EIF2AK2: variants seen among roughly 807,000 people sequenced by gnomAD.
EIF2AK2 encodes the protein interferon-induced, double-stranded RNA-activated protein kinase.
EIF2AK2 carries 40 observed loss-of-function variants against 70.5 expected under a neutral mutation model. The observed-to-expected ratio is 0.57, with a 90% CI of 0.44 to 0.74. The LOEUF (loss-of-function observed/expected upper bound fraction) is 0.74. Among genes scored for constraint, EIF2AK2 ranks in the 30% least tolerant of loss-of-function variants. The pLI, the probability that EIF2AK2 is intolerant of heterozygous loss-of-function variation, is 0.00. For missense variants in EIF2AK2, 555 were observed against 644.3 expected (o/e 0.86, Z 1.50); for synonymous variants, 198 against 220.9 (o/e 0.90, Z 0.92).
chr2:37,148,729 T>C, intron 2 of EIF2AK2, 128 bp downstream of exon 2: 2 of 836,450 alleles, frequency 2.4e-6, no homozygotes, highest in Non-Finnish European at 4.2e-6. Flanking sequence ...TTGACAGATT[T>C]GAGGATTTAC....
chr2:37,148,274 C>G lies in EIF2AK2; in HGVS notation c.-16-452G>C, dbSNP rs143272921. 7.9e-5 allele frequency among the ~76,000 whole-genome samples: 12 copies of G among 152,176 alleles called. No individual in the cohort carries two copies. In the East Asian group the frequency reaches 1.9e-3, roughly 24 times the overall value. ...GAGTATCAACTACATGTTTGCCTAC[C>G]TGCTTAAAAAAGTAAAAAGGCTGCA... On this transcript the variant is annotated intron_variant, in intron 2 of 16. Coordinates refer to ENST00000233057, the MANE Select transcript of EIF2AK2 (RefSeq NM_001135651.3).
rs1342465920 is a variant in EIF2AK2, at chr2:37,103,720, C to CAATGGCT, written c.*3546_*3552dup. ...CTGTCATCTAGATTTACCAATTGTA[C>CAATGGCT]AATGGCTAATATTTTGCCACATGTG... On this transcript the variant is annotated 3_prime_UTR_variant, in exon 17 of 17. Coordinates refer to ENST00000233057, the MANE Select transcript of EIF2AK2 (RefSeq NM_001135651.3). The CAATGGCT allele has an allele frequency of 1.3e-5, 2 of 152,212 alleles. No homozygotes were observed. The highest frequency in any genetic ancestry group is 6.5e-5 in the Admixed American group (1 of 15,278). 9.4% of individuals were successfully genotyped at this position (152,212 alleles called of 1,614,324 possible). A position where few individuals can be genotyped will look rare whatever the true frequency, so the allele number is the denominator to read the frequency against.
intron 1 of EIF2AK2, among the ~76,000 whole-genome samples, chr2:37,151,665 G>A (rs1675745397): frequency 6.6e-6 from 1 of 152,172 alleles, no homozygotes; most frequent in African/African-American, 2.4e-5. Flanking sequence ...GTTAACAATA[G>A]CCAAAAGGTG....
rs545923390 is a variant in EIF2AK2 at position 37,122,890 on chromosome 2, G to A, written c.909-226C>T. 2.4e-4 allele frequency among the ~76,000 whole-genome samples: 37 copies of A among 152,250 alleles called. No individual in the cohort carries two copies. The South Asian group carries it at 2.9e-3, about 12-fold the overall frequency. On this transcript the variant is annotated intron_variant, in intron 11 of 16. Coordinates refer to ENST00000233057, the MANE Select transcript of EIF2AK2 (RefSeq NM_001135651.3). ...CAAGATAAAATAAAAGGCAGTGGCCGGGCGCGGTGGCTCAGGCCTGTAATC... is the reference window on the plus strand; with the variant it reads ...CAAGATAAAATAAAAGGCAGTGGCCAGGCGCGGTGGCTCAGGCCTGTAATC...
At position 37,112,446 on chromosome 2, in the gene EIF2AK2, C is replaced by T. The variant is rs1402445818; in HGVS notation, c.1377+2285G>A. 2.0e-5 allele frequency among the ~76,000 whole-genome samples: 3 copies of T among 152,254 alleles called. No homozygotes were observed. In the South Asian group the frequency reaches 6.2e-4, roughly 32 times the overall value. ...TATATGAAGATATCAATGTTCCTCA[C>T]CTGAATCCTCAAATTTGATGCAATT... On this transcript the variant is annotated intron_variant, in intron 14 of 16. Coordinates refer to ENST00000233057, the MANE Select transcript of EIF2AK2 (RefSeq NM_001135651.3).
At chr2:37,128,915 G>T (rs564348478) in intron 10 of EIF2AK2, among the ~76,000 whole-genome samples, 1 of 152,278 alleles carries the variant, frequency 6.6e-6, no homozygotes, top group East Asian at 1.9e-4. Flanking sequence ...AAAGCTCAGA[G>T]AAATTACACA....
rs556365299 is a variant in EIF2AK2 at position 37,128,749 on chromosome 2, C to T, written c.786-2338G>A. 3.9e-5 allele frequency among the ~76,000 whole-genome samples: 6 copies of T among 152,226 alleles called. No individual in the cohort carries two copies. The South Asian group carries it at 1.2e-3, about 32-fold the overall frequency. The stretch of plus-strand genomic sequence containing the variant: ...GATTATAATAACTCCATAATAAAGC[C>T]CCTATACAAAATCCAGTGGCCAATG... On this transcript the variant is annotated intron_variant, in intron 10 of 16. Coordinates refer to ENST00000233057, the MANE Select transcript of EIF2AK2 (RefSeq NM_001135651.3).
intron 10 of EIF2AK2, among the ~76,000 whole-genome samples, chr2:37,129,232 T>TA (rs1224127480): frequency 6.6e-6 from 1 of 152,220 alleles, no homozygotes; most frequent in East Asian, 1.9e-4. Context: ...AAAAGTCAGT[T>TA]ATACGAAAGC....
chr2:37,119,803 A>G (rs4648218), intron 13 of EIF2AK2, among the ~76,000 whole-genome samples, 156 bp downstream of exon 13: 5,817 of 151,632 alleles, frequency 0.038, 153 homozygotes, highest in Non-Finnish European at 0.055. Flanking sequence ...TGTTGGCCAG[A>G]CTGGTTTCGA....
At position 37,104,750 on chromosome 2, in the gene EIF2AK2, T is replaced by G. The variant is rs1673913657; in HGVS notation, c.*2523A>C. The G allele has an allele frequency of 6.6e-6, 1 of 152,136 alleles. No homozygotes were observed. The highest frequency in any genetic ancestry group is 2.4e-5 in the African/African-American group (1 of 41,410). The allele number at this position is 152,136 out of a possible 1,614,324, so 9.4% of individuals were successfully genotyped here. A position where few individuals can be genotyped will look rare whatever the true frequency, so the allele number is the denominator to read the frequency against. ...TTTTGAGAAGCCCAAGTCAATCATCTTATAGAATGACTACATTCAGGATTT... is the reference window on the plus strand; with the variant it reads ...TTTTGAGAAGCCCAAGTCAATCATCGTATAGAATGACTACATTCAGGATTT... On this transcript the variant is annotated 3_prime_UTR_variant, in exon 17 of 17. Coordinates refer to ENST00000233057, the MANE Select transcript of EIF2AK2 (RefSeq NM_001135651.3).
chr2:37,123,029 A>G (rs1674609464), intron 11 of EIF2AK2, among the ~76,000 whole-genome samples: 1 of 151,834 alleles, frequency 6.6e-6, no homozygotes, highest in Non-Finnish European at 1.5e-5. Flanking sequence ...TTAGCTGGGC[A>G]CAGTGGCGCA....
At chr2:37,142,578 T>G (rs2148706409) in intron 4 of EIF2AK2, among the ~76,000 whole-genome samples, 1 of 152,266 alleles carries the variant, frequency 6.6e-6, no homozygotes, top group Non-Finnish European at 1.5e-5. Flanking sequence ...TTCTGTTTTT[T>G]GTTTTTTCTA....
chr2:37,139,215 T>C (rs1357962910), intron 6 of EIF2AK2, among the ~76,000 whole-genome samples: 2 of 150,262 alleles, frequency 1.3e-5, no homozygotes, highest in Non-Finnish European at 2.9e-5. Context: ...CTCAGTAGGC[T>C]GAGGCAGGAG....
chr2:37,122,373 A>G, intron 12 of EIF2AK2, 133 bp downstream of exon 12: 1 of 992,326 alleles, frequency 1.0e-6, no homozygotes, highest in Non-Finnish European at 1.4e-6. Context: ...CGGAATGGAG[A>G]GATAACAGTG....
At chr2:37,126,695 G>T (rs989421988) in intron 10 of EIF2AK2, among the ~76,000 whole-genome samples, 1 of 152,050 alleles carries the variant, frequency 6.6e-6, no homozygotes, top group Non-Finnish European at 1.5e-5. Flanking sequence ...CATGGCTCAT[G>T]CCCGTAATAC....
intron 1 of EIF2AK2, among the ~76,000 whole-genome samples, chr2:37,154,937 A>AT (rs34658468): frequency 6.7e-4 from 98 of 146,744 alleles, no homozygotes; most frequent in African/African-American, 1.8e-3. Flanking sequence ...CTTTTCTTCT[A>AT]TTTTTTTTTT....
chr2:37,140,901 T>C (rs1443955382), intron 5 of EIF2AK2, among the ~76,000 whole-genome samples: 1 of 152,184 alleles, frequency 6.6e-6, no homozygotes, highest in Non-Finnish European at 1.5e-5. Context: ...AACTGGTTGG[T>C]TGTAGTTGAA....
chr2:37,134,734 C>T (rs1270182789), intron 10 of EIF2AK2, among the ~76,000 whole-genome samples: 1 of 152,144 alleles, frequency 6.6e-6, no homozygotes, highest in African/African-American at 2.4e-5. Flanking sequence ...TCTGTATCTC[C>T]AACTGTATTT....
chr2:37,133,492 A>G (rs4670658), intron 10 of EIF2AK2, among the ~76,000 whole-genome samples: 151,980 of 152,216 alleles, frequency 1, 75,873 homozygotes, highest in Middle Eastern at 1. Flanking sequence ...CCCTCACACC[A>G]AAATGGAAGG....
Sources: allele counts gnomAD v4.1 joint callset (sites outside exome capture counted in the v4.1 genomes callset), GRCh38; gene constraint gnomAD v4.1.1; transcripts MANE v1.5; gene names NCBI Gene and HGNC (gene_info 2026-07-23, HGNC 2026-07-21).